GRM4: variants seen among roughly 807,000 people sequenced by gnomAD.
The protein encoded by GRM4 is metabotropic glutamate receptor 4.
A neutral mutation model predicts 81.7 loss-of-function variants in GRM4; 28 were observed. The ratio of observed to expected loss-of-function variants is 0.34; its 90% CI spans 0.25 to 0.47. The LOEUF (loss-of-function observed/expected upper bound fraction) is 0.47. GRM4 is among the 20% of genes least tolerant of loss of function. The probability of loss-of-function intolerance (pLI) is 1.00; values close to 1 mark genes in which losing one functional copy is unlikely to be tolerated. For synonymous variants in GRM4, 488 were observed against 528.8 expected (o/e 0.92, Z 1.06); for missense variants, 948 against 1,290.0 (o/e 0.73, Z 4.06).
At position 34,068,633 on chromosome 6, in the gene GRM4, T is replaced by G. The variant is rs565891220; in HGVS notation, c.737-6605A>C. 2.0e-5 allele frequency among the ~76,000 whole-genome samples: 3 copies of G among 152,020 alleles called. No homozygotes were observed. The highest frequency in any genetic ancestry group is 2.9e-5 in the Non-Finnish European group (2 of 68,006). On this transcript the variant is annotated intron_variant, in intron 3 of 10. Transcript: ENST00000538487. The surrounding 1 kb of genome is among the most constrained non-coding windows in gnomAD (Gnocchi z 4.2). Reference sequence around the variant, plus strand: ...AAGACCCATCCCCCCGCACCACCACTTGTGGGATGTGCCTATCTCATGCAG... The same window carrying G: ...AAGACCCATCCCCCCGCACCACCACGTGTGGGATGTGCCTATCTCATGCAG...
chr6:34,131,962 AAC>A (rs1472944786), intron 2 of GRM4, among the ~76,000 whole-genome samples: 1 of 149,518 alleles, frequency 6.7e-6, no homozygotes, highest in Non-Finnish European at 1.5e-5. Flanking sequence ...AACATGCACA[AAC>A]ACACACACAT....
upstream of GRM4, among the ~76,000 whole-genome samples, chr6:34,147,754 G>T (rs1770967369): frequency 6.6e-6 from 1 of 152,080 alleles, no homozygotes; most frequent in African/African-American, 2.4e-5. Context: ...GTACCATATG[G>T]GCTAGTGACT....
At chr6:34,049,870 G>A (rs1187648268) in intron 6 of GRM4, among the ~76,000 whole-genome samples, 1 of 152,068 alleles carries the variant, frequency 6.6e-6, no homozygotes, top group East Asian at 1.9e-4. Context: ...CTGGATTACA[G>A]CACCAGCCTC....
chr6:34,040,772 G>A (rs1764985470), intron 6 of GRM4, 24 bp from the exon 7 acceptor site: 4 of 1,593,802 alleles, frequency 2.5e-6, no homozygotes, highest in Non-Finnish European at 3.4e-6. Context: ...CCAGGAACAG[G>A]GACACTCGTG....
intron 2 of GRM4, among the ~76,000 whole-genome samples, chr6:34,112,460 C>T (rs1479317884): frequency 6.6e-6 from 1 of 152,144 alleles, no homozygotes; most frequent in Non-Finnish European, 1.5e-5. Flanking sequence ...GTTAACTCAA[C>T]CACCCTCCTG....
chr6:34,113,431 T>C (rs1259565013), intron 2 of GRM4, among the ~76,000 whole-genome samples: 2 of 152,238 alleles, frequency 1.3e-5, no homozygotes, highest in Non-Finnish European at 2.9e-5. Context: ...CCACCATGCC[T>C]GGCCACGTTC....
rs532039132 is a variant in GRM4 at position 34,111,903 on chromosome 6, C to T, written c.520-19804G>A. 1.7e-3 allele frequency among the ~76,000 whole-genome samples: 260 copies of T among 152,200 alleles called. 1 individual carries two copies. Among genetic ancestry groups the T allele is most frequent in the South Asian group, 6.9e-3 (33 of 4,814 alleles). The stretch of plus-strand genomic sequence containing the variant: ...CAGACCAGACGCACCCCCACCTGTT[C>T]CATTTCCTGATTGTCCAGATCTTAT... On this transcript the variant is annotated intron_variant, in intron 2 of 10. Coordinates refer to ENST00000538487, the MANE Select transcript of GRM4 (RefSeq NM_000841.4). The surrounding 1 kb of genome is among the most constrained non-coding windows in gnomAD (Gnocchi z 5.1).
At chr6:34,037,478 A>G (rs758900069) in intron 8 of GRM4, among the ~76,000 whole-genome samples, 1 of 152,222 alleles carries the variant, frequency 6.6e-6, no homozygotes, top group Non-Finnish European at 1.5e-5. Context: ...CTCAGAGCAC[A>G]GCAAGCCTGG....
intron 3 of GRM4, among the ~76,000 whole-genome samples, chr6:34,085,915 C>T (rs531587732): frequency 4.6e-5 from 7 of 152,242 alleles, no homozygotes; most frequent in South Asian, 4.2e-4. Context: ...GAATGCAGGC[C>T]GTGTGGACAT....
At chr6:34,122,383 C>T (rs1051786849) in intron 2 of GRM4, among the ~76,000 whole-genome samples, 2 of 152,056 alleles carry the variant, frequency 1.3e-5, no homozygotes, top group African/African-American at 4.8e-5. Flanking sequence ...GCTCCCCTCC[C>T]CGCAACAGCG....
intron 8 of GRM4, among the ~76,000 whole-genome samples, chr6:34,037,464 C>T (rs1281021854): frequency 1.3e-5 from 2 of 152,224 alleles, no homozygotes; most frequent in Non-Finnish European, 2.9e-5. Flanking sequence ...AGGAAGTGCT[C>T]ACTCTCAGAG....
In GRM4 at chr6:34,074,560, C is replaced by T. The variant is rs558823015; in HGVS notation, c.737-12532G>A. Among the ~76,000 whole-genome samples the T allele has an allele frequency of 3.6e-5, 5 of 139,144 alleles. No individual in the cohort carries two copies. The highest frequency in any genetic ancestry group is 9.1e-5 in the African/African-American group (3 of 32,852). 91.3% of individuals were successfully genotyped at this position (139,144 alleles called of 152,430 possible). On this transcript the variant is annotated intron_variant, in intron 3 of 10. Transcript: ENST00000538487. This position sits in a 1 kb window ranked among gnomAD's most constrained non-coding sequence, Gnocchi z 4.9. Reference sequence around the variant, plus strand: ...GCCAGGAGAGGAGGCTGCTGGGCGGCGCAGGCAGTGTGGCTCAGAGCTGAG... The same window carrying T: ...GCCAGGAGAGGAGGCTGCTGGGCGGTGCAGGCAGTGTGGCTCAGAGCTGAG...
chr6:34,109,418 T>C (rs538605629), intron 2 of GRM4, among the ~76,000 whole-genome samples: 9 of 146,074 alleles, frequency 6.2e-5, no homozygotes, highest in South Asian at 2.2e-4. Context: ...CAGGCCTCAG[T>C]GGGTCCCTGC....
chr6:34,085,045 G>A (rs1241905553), intron 3 of GRM4, among the ~76,000 whole-genome samples: 5 of 152,334 alleles, frequency 3.3e-5, no homozygotes, highest in East Asian at 3.9e-4. Flanking sequence ...CCTGAGAGCA[G>A]GGCCTGCAGC....
rs575308634 is a variant in GRM4, at chr6:34,064,041, G to A, written c.737-2013C>T. 3.9e-5 allele frequency among the ~76,000 whole-genome samples: 6 copies of A among 152,262 alleles called. No homozygotes were observed. The East Asian group carries it at 9.7e-4, about 25-fold the overall frequency. ...TGATGGTCTTGCCTGGCACCTCAGG[G>A]CATATCTTGCAAGCTTCGTTTTGCT... On this transcript the variant is annotated intron_variant, in intron 3 of 10. Coordinates refer to ENST00000538487, the MANE Select transcript of GRM4 (RefSeq NM_000841.4). The surrounding 1 kb of genome is among the most constrained non-coding windows in gnomAD (Gnocchi z 4.4).
chr6:34,152,459 A>G lies in GRM4; in HGVS notation c.312+2620T>C, dbSNP rs1374181641. Among the ~76,000 whole-genome samples, 3 of 152,180 alleles carry G rather than the reference A, an allele frequency of 2.0e-5. No homozygotes were observed. Among genetic ancestry groups the G allele is most frequent in the Non-Finnish European group, 2.9e-5 (2 of 68,030 alleles). ...CTGTCCTCCTCATTCCTGGGGAAAC[A>G]TGAGCTACAGGGGTGGGGAGGATTC... On this transcript the variant is annotated intron_variant, in intron 1 of 8. Transcript: ENST00000374177. The surrounding 1 kb of genome is among the most constrained non-coding windows in gnomAD (Gnocchi z 4.1).
intron 1 of GRM4, among the ~76,000 whole-genome samples, chr6:34,138,295 C>T (rs1400004116): frequency 2.0e-5 from 3 of 152,176 alleles, no homozygotes; most frequent in African/African-American, 7.2e-5. Context: ...GAGCTCCCTC[C>T]CACCTTCCTC....
At position 34,120,829 on chromosome 6, in the gene GRM4, T is replaced by C. The variant is rs189009877; in HGVS notation, c.519+12149A>G. On this transcript the variant is annotated intron_variant, in intron 2 of 10. Transcript: ENST00000538487. The stretch of plus-strand genomic sequence containing the variant: ...CAGGGTGGTCTCGATCTCCTGACCT[T>C]GTGATCCGCCCACCTCGGCCTCCCA... 5.1e-3 allele frequency among the ~76,000 whole-genome samples: 774 copies of C among 152,264 alleles called. 9 individuals carry two copies. Among genetic ancestry groups the C allele is most frequent in the Middle Eastern group, 0.014 (4 of 294 alleles).
chr6:34,129,706 G>A (rs1770161518), intron 2 of GRM4, among the ~76,000 whole-genome samples: 1 of 152,168 alleles, frequency 6.6e-6, no homozygotes, highest in African/African-American at 2.4e-5. Flanking sequence ...GTCAGGCCTG[G>A]GAGAGGGCAC....
Sources: gnomAD v4.1 joint callset for allele counts (sites outside exome capture counted in the v4.1 genomes callset) on GRCh38, gnomAD v4.1.1 for gene constraint, Gnocchi (gnomAD v3.1) non-coding constraint, MANE v1.5 for transcripts, NCBI Gene and HGNC (gene_info 2026-07-23, HGNC 2026-07-21) for gene names.